GPC5: variants seen among roughly 807,000 people sequenced by gnomAD.
The protein encoded by GPC5 is glypican 5.
Under a neutral mutation model 53.9 loss-of-function variants are expected in GPC5, and 47 were observed. The observed-to-expected ratio is 0.87, with a 90% CI of 0.69 to 1.11. The LOEUF (loss-of-function observed/expected upper bound fraction) is 1.11, where lower values mean the gene tolerates loss of function less well. Ranked by LOEUF, GPC5 falls within the 50% of genes most tolerant of loss-of-function variation. GPC5 has a pLI of 0.00. For missense variants in GPC5, 748 were observed against 713.1 expected (o/e 1.05, Z -0.56); for synonymous variants, 286 against 263.3 (o/e 1.09, Z -0.84).
chr13:91,594,389 G>C (rs1366452019), intron 2 of GPC5, among the ~76,000 whole-genome samples: 1 of 152,024 alleles, frequency 6.6e-6, no homozygotes, highest in Non-Finnish European at 1.5e-5. Context: ...GTGTATTTCT[G>C]TTTGCCTTTG....
At chr13:91,966,749 T>A (rs2040184235) in intron 6 of GPC5, among the ~76,000 whole-genome samples, 1 of 152,134 alleles carries the variant, frequency 6.6e-6, no homozygotes, top group Admixed American at 6.5e-5. Context: ...ATGATGTAAG[T>A]CATAAAAGGC....
intron 7 of GPC5, among the ~76,000 whole-genome samples, chr13:92,246,097 A>G (rs1222010413): frequency 6.6e-6 from 1 of 152,084 alleles, no homozygotes; most frequent in Non-Finnish European, 1.5e-5. Flanking sequence ...AGTGTAAGAG[A>G]CAAGAATTGG....
At chr13:92,707,308 T>C (rs1221638687) in intron 7 of GPC5, among the ~76,000 whole-genome samples, 1 of 152,168 alleles carries the variant, frequency 6.6e-6, no homozygotes, top group Non-Finnish European at 1.5e-5. Flanking sequence ...AGAAGTCTTT[T>C]AGAAGTGGAT....
intron 2 of GPC5, among the ~76,000 whole-genome samples, chr13:91,496,106 G>A (rs1288077688): frequency 1.3e-5 from 2 of 151,758 alleles, no homozygotes; most frequent in Admixed American, 1.3e-4. Context: ...TGACTGGGAA[G>A]TGCAATATTA....
intron 6 of GPC5, among the ~76,000 whole-genome samples, chr13:92,121,680 CTCT>C (rs961573972): frequency 1.3e-5 from 2 of 152,146 alleles, no homozygotes; most frequent in African/African-American, 4.8e-5. Context: ...AGTGGAGGGT[CTCT>C]TCTTCTTAGC....
chr13:92,073,284 A>G (rs1203086665), intron 6 of GPC5, among the ~76,000 whole-genome samples: 1 of 152,252 alleles, frequency 6.6e-6, no homozygotes, highest in Non-Finnish European at 1.5e-5. Flanking sequence ...TGTAGATTTA[A>G]GCCCTGCTTT....
At chr13:92,667,613 G>T (rs1886619094) in intron 7 of GPC5, among the ~76,000 whole-genome samples, 1 of 152,190 alleles carries the variant, frequency 6.6e-6, no homozygotes, top group African/African-American at 2.4e-5. Context: ...GCTGCGAGAA[G>T]TGTAGGGAAG....
intron 6 of GPC5, among the ~76,000 whole-genome samples, chr13:92,081,249 G>T (rs1360397087): frequency 6.6e-6 from 1 of 151,978 alleles, no homozygotes; most frequent in Non-Finnish European, 1.5e-5. Context: ...TTACAGGCAC[G>T]CAGCACCATA....
chr13:91,769,578 T>C (rs2037584535), intron 5 of GPC5, among the ~76,000 whole-genome samples: 1 of 152,180 alleles, frequency 6.6e-6, no homozygotes, highest in Admixed American at 6.5e-5. Context: ...GAGAATATCA[T>C]GCTTCATGTG....
chr13:92,115,349 A>T (rs2041592000), intron 6 of GPC5, among the ~76,000 whole-genome samples: 1 of 152,184 alleles, frequency 6.6e-6, no homozygotes, highest in Admixed American at 6.5e-5. Context: ...TCTACTAAAA[A>T]TACAAAATTA....
intron 7 of GPC5, among the ~76,000 whole-genome samples, chr13:92,478,651 G>T (rs933142293): frequency 6.6e-6 from 1 of 152,084 alleles, no homozygotes; most frequent in African/African-American, 2.4e-5. Flanking sequence ...GAAGAGAAAA[G>T]ATAAAAAGGT....
At chr13:92,709,250 G>C (rs575706694) in intron 7 of GPC5, among the ~76,000 whole-genome samples, 12 of 150,566 alleles carry the variant, frequency 8.0e-5, no homozygotes, top group Admixed American at 5.3e-4. Flanking sequence ...GTAGAGATAG[G>C]GTTTCACCAT....
In GPC5 at chr13:92,624,569, GAC is replaced by G. The variant is rs1371090078; in HGVS notation, c.1562-241711_1562-241710del. Among the ~76,000 whole-genome samples the G allele has an allele frequency of 2.6e-5, 4 of 152,180 alleles. No homozygotes were observed. In the East Asian group the frequency reaches 7.7e-4, roughly 29 times the overall value. On this transcript the variant is annotated intron_variant, in intron 7 of 7. Transcript: ENST00000377067. ...ATTTATGAATGATGGCAGAAGATGA[GAC>G]AGTTCTCTCACAACAATAACAGGAG...
rs183529207 is a variant in GPC5, at chr13:92,116,551, A to G, written c.1402-28279A>G. Among the ~76,000 whole-genome samples, 11 of 152,372 alleles carry G rather than the reference A, an allele frequency of 7.2e-5. No individual in the cohort carries two copies. The East Asian group carries it at 2.1e-3, about 29-fold the overall frequency. ...TTTGTGTACAAGTTGTCAAAAGACAAGTTTTCATTTTGGGAGCAAAAATAC... is the reference window on the plus strand; with the variant it reads ...TTTGTGTACAAGTTGTCAAAAGACAGGTTTTCATTTTGGGAGCAAAAATAC... On this transcript the variant is annotated intron_variant, in intron 6 of 7. Transcript: ENST00000377067.
chr13:91,590,096 T>A (rs9523367), intron 2 of GPC5, among the ~76,000 whole-genome samples: 134,122 of 151,590 alleles, frequency 0.88, 60,308 homozygotes, highest in Non-Finnish European at 0.96. Context: ...CTTTCATATC[T>A]CAAACTGCTA....
intron 7 of GPC5, among the ~76,000 whole-genome samples, chr13:92,816,557 A>G (rs1267096258): frequency 6.6e-6 from 1 of 152,024 alleles, no homozygotes; most frequent in African/African-American, 2.4e-5. Flanking sequence ...CTGTTCCTGA[A>G]TAGCACTGGC....
intron 7 of GPC5, among the ~76,000 whole-genome samples, chr13:92,429,415 ATACTT>A (rs1315704316): frequency 6.6e-6 from 1 of 151,796 alleles, no homozygotes; most frequent in South Asian, 2.1e-4. Flanking sequence ...AATATTAACT[ATACTT>A]AATATACTAA....
chr13:91,597,055 T>C (rs564398831), intron 2 of GPC5, among the ~76,000 whole-genome samples: 1 of 152,308 alleles, frequency 6.6e-6, no homozygotes, highest in African/African-American at 2.4e-5. Flanking sequence ...CTCTGCCCAC[T>C]GCAAGGCCTG....
At chr13:92,303,607 T>G (rs1243053289) in intron 7 of GPC5, among the ~76,000 whole-genome samples, 1 of 152,124 alleles carries the variant, frequency 6.6e-6, no homozygotes, top group East Asian at 1.9e-4. Context: ...GGTGATGAAA[T>G]GCCAGATGGT....
Sources: gnomAD v4.1 joint callset for allele counts (sites outside exome capture counted in the v4.1 genomes callset) on GRCh38, gnomAD v4.1.1 for gene constraint, MANE v1.5 for transcripts, NCBI Gene and HGNC (gene_info 2026-07-23, HGNC 2026-07-21) for gene names.